The following SLIT1 variants were observed in gnomAD, a reference collection of about 807,000 sequenced individuals.
The protein encoded by SLIT1 is slit homolog 1 protein.
A neutral mutation model predicts 186.1 loss-of-function variants in SLIT1; 66 were observed. The observed-to-expected ratio is 0.35, with a 90% CI of 0.29 to 0.44. The LOEUF (loss-of-function observed/expected upper bound fraction) is 0.44. Ranked by LOEUF, SLIT1 falls within the 20% of genes least tolerant of loss-of-function variation. SLIT1 has a pLI of 1.00. For missense variants in SLIT1, 1,638 were observed against 2,037.4 expected (o/e 0.80, Z 3.77); for synonymous variants, 761 against 833.8 (o/e 0.91, Z 1.50).
chr10:97,060,084 C>G lies in SLIT1; in HGVS notation c.1013+3G>C. Reference sequence around the variant, plus strand: ...TCCCCAGGAAGCAGTGGGAGGCACTCACATCCTCCGTAGCTTTCTGTAGGG... The same window carrying G: ...TCCCCAGGAAGCAGTGGGAGGCACTGACATCCTCCGTAGCTTTCTGTAGGG... On this transcript the variant is annotated splice_donor_region_variant and intron_variant, in intron 10 of 36. Coordinates refer to ENST00000266058, the MANE Select transcript of SLIT1 (RefSeq NM_003061.3). 1 of 1,610,144 alleles carries G rather than the reference C, an allele frequency of 6.2e-7. No individual in the cohort carries two copies. The highest frequency in any genetic ancestry group is 1.1e-5 in the South Asian group (1 of 91,018).
At position 97,072,005 on chromosome 10, in the gene SLIT1, C is replaced by T. The variant is rs143044325; in HGVS notation, c.414-5919G>A. ...GAGGCAGACTCCAGGTAGGCCCAGTCTATGCAAAGACGCTGGGGCATGAGA... is the reference window on the plus strand; with the variant it reads ...GAGGCAGACTCCAGGTAGGCCCAGTTTATGCAAAGACGCTGGGGCATGAGA... On this transcript the variant is annotated intron_variant, in intron 4 of 36. Coordinates refer to ENST00000266058, the MANE Select transcript of SLIT1 (RefSeq NM_003061.3). Among the ~76,000 whole-genome samples, 230 of 152,274 alleles carry T rather than the reference C, an allele frequency of 1.5e-3. 2 individuals are homozygous for T. The highest frequency in any genetic ancestry group is 1.2e-3 in the East Asian group (6 of 5,184).
intron 4 of SLIT1, among the ~76,000 whole-genome samples, chr10:97,114,137 G>A (rs895734448): frequency 2.0e-5 from 3 of 152,198 alleles, no homozygotes; most frequent in Non-Finnish European, 1.5e-5. Context: ...ACGTCACAGT[G>A]TAACTGTCTA....
At chr10:97,029,362 C>A (rs997863626) in intron 25 of SLIT1, among the ~76,000 whole-genome samples, 14 of 152,168 alleles carry the variant, frequency 9.2e-5, no homozygotes, top group African/African-American at 3.4e-4. Context: ...GCTTGGGGCC[C>A]CAAAAGGCTC....
chr10:97,121,212 AC>A (rs1849557424), intron 4 of SLIT1, among the ~76,000 whole-genome samples: 1 of 152,186 alleles, frequency 6.6e-6, no homozygotes, highest in Non-Finnish European at 1.5e-5. Context: ...TGCCATCTGG[AC>A]CCACATTTTC....
At chr10:97,037,048 T>TTGTGTGTGTGTGTGTGTGTGTG (rs59578209) in intron 22 of SLIT1, among the ~76,000 whole-genome samples, 1 of 116,882 alleles carries the variant, frequency 8.6e-6, no homozygotes, top group Non-Finnish European at 1.7e-5. Flanking sequence ...ATAACCCCCT[T>TTGTGTGTGTGTGTGTGTGTGTG]TGTGTGTGTG....
chr10:97,047,671 G>C lies in SLIT1; in HGVS notation c.1634+19C>G, dbSNP rs1369431368. 3 of 1,611,162 alleles carry C rather than the reference G, an allele frequency of 1.9e-6. No individual in the cohort carries two copies. In the South Asian group the frequency reaches 3.3e-5, roughly 18 times the overall value. Reference sequence around the variant, plus strand: ...GCAGTTAGGGACAGGGGAGGGCTGGGGGGGCCAGGGACCCTCACAGTTCTG... The same window carrying C: ...GCAGTTAGGGACAGGGGAGGGCTGGCGGGGCCAGGGACCCTCACAGTTCTG... On this transcript the variant is annotated intron_variant, in intron 16 of 36. Transcript: ENST00000266058.
chr10:97,039,311 G>T (rs1848669136), intron 21 of SLIT1, among the ~76,000 whole-genome samples: 1 of 152,180 alleles, frequency 6.6e-6, no homozygotes. Context: ...TTTGTCAAAT[G>T]CATCTATGTC....
At chr10:97,003,456 A>C (rs1848330743) in intron 34 of SLIT1, among the ~76,000 whole-genome samples, 1 of 152,200 alleles carries the variant, frequency 6.6e-6, no homozygotes, top group African/African-American at 2.4e-5. Context: ...ACAGATGCTC[A>C]TGACTGGCCT....
rs192710926 is a variant in SLIT1, at chr10:97,181,237, C to T, written c.197+4241G>A. Reference sequence around the variant, plus strand: ...GCAGGGAGGCACCTCCCCTACACAGCGCAGGCCTCTGCTGCAGGAGACCAT... The same window carrying T: ...GCAGGGAGGCACCTCCCCTACACAGTGCAGGCCTCTGCTGCAGGAGACCAT... On this transcript the variant is annotated intron_variant, in intron 1 of 36. Coordinates refer to ENST00000266058, the MANE Select transcript of SLIT1 (RefSeq NM_003061.3). Among the ~76,000 whole-genome samples the T allele has an allele frequency of 2.4e-4, 37 of 152,350 alleles. No homozygotes were observed. In the East Asian group the frequency reaches 6.0e-3, roughly 25 times the overall value.
chr10:97,165,506 G>A (rs1371720886), intron 1 of SLIT1, among the ~76,000 whole-genome samples: 3 of 152,106 alleles, frequency 2.0e-5, no homozygotes, highest in East Asian at 1.9e-4. Context: ...TGCACACGAC[G>A]GGGAGGGAGC....
intron 4 of SLIT1, among the ~76,000 whole-genome samples, chr10:97,099,587 C>T (rs1275730209): frequency 6.6e-6 from 1 of 152,176 alleles, no homozygotes; most frequent in Non-Finnish European, 1.5e-5. Context: ...GTGGCCTGGC[C>T]CCCTTTCTCT....
chr10:97,049,252 G>C, intron 13 of SLIT1, 134 bp from the exon 14 acceptor site: 1 of 1,025,314 alleles, frequency 9.8e-7, no homozygotes, highest in Non-Finnish European at 1.4e-6. Flanking sequence ...CAGCCACGGG[G>C]GGAAAGAGAG....
chr10:97,124,868 C>T (rs1453429070), intron 4 of SLIT1, among the ~76,000 whole-genome samples: 1 of 152,154 alleles, frequency 6.6e-6, no homozygotes, highest in Admixed American at 6.5e-5. Flanking sequence ...CCTTTCTGAG[C>T]TTCAGTGTAC....
intron 4 of SLIT1, among the ~76,000 whole-genome samples, chr10:97,067,638 G>A (rs529010107): frequency 6.6e-6 from 1 of 152,316 alleles, no homozygotes; most frequent in East Asian, 1.9e-4. Context: ...AACTGCCATT[G>A]CGCCCATTTC....
chr10:97,123,772 A>C (rs1307596235), intron 4 of SLIT1, among the ~76,000 whole-genome samples: 1 of 144,046 alleles, frequency 6.9e-6, no homozygotes, highest in African/African-American at 2.6e-5. Context: ...CCTAGGCGAC[A>C]GGGTGAGACT....
At chr10:97,138,799 G>A (rs1406442479) in intron 4 of SLIT1, among the ~76,000 whole-genome samples, 2 of 152,208 alleles carry the variant, frequency 1.3e-5, no homozygotes, top group African/African-American at 2.4e-5. Flanking sequence ...GTGTGCATCT[G>A]TGCCTGTGAA....
At chr10:97,007,041 C>A (rs1220054862) in intron 31 of SLIT1, among the ~76,000 whole-genome samples, 1 of 152,252 alleles carries the variant, frequency 6.6e-6, no homozygotes, top group Admixed American at 6.5e-5. Flanking sequence ...TTACTATACC[C>A]ATTTTATAGA....
Position 97,147,129 on chromosome 10 carries a change from C to T in SLIT1, c.413+10689G>A, listed in dbSNP as rs112639027. On this transcript the variant is annotated intron_variant, in intron 4 of 36. Transcript: ENST00000266058. Reference sequence around the variant, plus strand: ...AATGACATTTTGATATGTGCCGCAACGTGGATGGACCTCAAAAGTGCTATG... The same window carrying T: ...AATGACATTTTGATATGTGCCGCAATGTGGATGGACCTCAAAAGTGCTATG... Among the ~76,000 whole-genome samples the T allele has an allele frequency of 3.1e-3, 473 of 152,202 alleles. 3 individuals are homozygous for T. The highest frequency in any genetic ancestry group is 0.011 in the African/African-American group (446 of 41,532).
At chr10:97,014,745 A>T (rs1848440171) in intron 28 of SLIT1, among the ~76,000 whole-genome samples, 1 of 152,144 alleles carries the variant, frequency 6.6e-6, no homozygotes, top group African/African-American at 2.4e-5. Flanking sequence ...ATGTGCCTGT[A>T]ATCCCAACTA....
Sources: gnomAD v4.1 joint callset for allele counts (sites outside exome capture counted in the v4.1 genomes callset) on GRCh38, gnomAD v4.1.1 for gene constraint, MANE v1.5 for transcripts, NCBI Gene and HGNC (gene_info 2026-07-23, HGNC 2026-07-21) for gene names.